The following ACTR5 variants were observed in gnomAD, a reference collection of about 807,000 sequenced individuals.
The protein encoded by ACTR5 is actin-related protein 5.
In ACTR5, 43 loss-of-function variants were observed where a neutral mutation model predicts 61.2. The observed-to-expected ratio is 0.70, with a 90% confidence interval of 0.55 to 0.91. The LOEUF (loss-of-function observed/expected upper bound fraction) is 0.91. ACTR5 is among the 40% of genes least tolerant of loss of function. The probability of loss-of-function intolerance (pLI) is 0.00; values close to 1 mark genes in which losing one functional copy is unlikely to be tolerated. For synonymous variants in ACTR5, 333 were observed against 310.5 expected, an observed-to-expected ratio of 1.07 and a Z score of -0.76; for missense variants, 798 against 782.2, an observed-to-expected ratio of 1.02 and a Z score of -0.24.
At chr20:38,760,946 C>T (rs569307800) in intron 5 of ACTR5, among the ~76,000 whole-genome samples, 32 of 151,468 alleles carry the variant, frequency 2.1e-4, no homozygotes, top group Non-Finnish European at 3.5e-4. Context: ...TTCAGACATT[C>T]GGAGCCTTCC....
At chr20:38,771,231 C>T (rs911721) in intron 8 of ACTR5, among the ~76,000 whole-genome samples, 34,777 of 152,136 alleles carry the variant, frequency 0.23, 4,130 homozygotes, top group Middle Eastern at 0.35. Context: ...CCCCAGGTCA[C>T]GGGCCAGCCT....
At chr20:38,765,861 A>G (rs536076483) in intron 6 of ACTR5, among the ~76,000 whole-genome samples, 24 of 152,222 alleles carry the variant, frequency 1.6e-4, no homozygotes, top group Non-Finnish European at 3.1e-4. Flanking sequence ...TGTCATTACA[A>G]TGCCAACCAG....
chr20:38,764,759 C>T (rs2084475176), intron 5 of ACTR5, among the ~76,000 whole-genome samples: 1 of 152,196 alleles, frequency 6.6e-6, no homozygotes, highest in Non-Finnish European at 1.5e-5. Flanking sequence ...TAGCCTCAAC[C>T]TCCCAGGCTC....
chr20:38,757,797 A>G (rs541157093), intron 5 of ACTR5, among the ~76,000 whole-genome samples: 16 of 150,456 alleles, frequency 1.1e-4, no homozygotes, highest in African/African-American at 3.7e-4. Flanking sequence ...TAGGCTTACT[A>G]GATACACCTT....
At chr20:38,754,337 T>TTGG (rs1568634702) in intron 3 of ACTR5, among the ~76,000 whole-genome samples, 1 of 152,130 alleles carries the variant, frequency 6.6e-6, no homozygotes, top group Non-Finnish European at 1.5e-5. Flanking sequence ...GTAGCTGCTT[T>TTGG]TAGTTGATTG....
intron 5 of ACTR5, among the ~76,000 whole-genome samples, chr20:38,759,585 C>T (rs1467313909): frequency 6.6e-6 from 1 of 151,784 alleles, no homozygotes; most frequent in Non-Finnish European, 1.5e-5. Flanking sequence ...TTTTTTTTGG[C>T]AGCTGAAGAA....
intron 1 of ACTR5, 27 bp downstream of exon 1, chr20:38,748,880 G>A (rs746026430): frequency 1.3e-6 from 2 of 1,586,672 alleles, no homozygotes; most frequent in Admixed American, 1.7e-5. Context: ...GCTGGGCTGG[G>A]CTGGGTTTGA....
At chr20:38,761,578 G>C (rs985834515) in intron 5 of ACTR5, 1 of 152,238 alleles carries the variant, frequency 6.6e-6, no homozygotes, top group Non-Finnish European at 1.5e-5. Context: ...TGATTGCCAG[G>C]GTTGATTCGG....
In ACTR5 at chr20:38,766,232, T is replaced by A. The variant is rs2084485646; in HGVS notation, c.1294-6T>A. On this transcript the variant is annotated splice_region_variant and splice_polypyrimidine_tract_variant and intron_variant, in intron 6 of 8. Transcript: ENST00000243903. ...AAAATATCTTTTAAACCTTGGGTTT[T>A]TAAAGCCCGTGTTTAACTTGGCAGC... 6.2e-7 allele frequency: 1 copy of A among 1,602,044 alleles called. No homozygotes were observed. The highest frequency in any genetic ancestry group is 8.5e-7 in the Non-Finnish European group (1 of 1,176,934).
intron 2 of ACTR5, 31 bp from the exon 3 acceptor site, chr20:38,752,100 T>G (rs759840902): frequency 6.3e-7 from 1 of 1,598,250 alleles, no homozygotes; most frequent in African/African-American, 1.3e-5. Context: ...CTCCAGAAAT[T>G]TCAGTGCTGT....
chr20:38,766,054 A>G (rs2084484473), intron 6 of ACTR5, among the ~76,000 whole-genome samples, 184 bp from the exon 7 acceptor site: 1 of 152,218 alleles, frequency 6.6e-6, no homozygotes, highest in South Asian at 2.1e-4. Flanking sequence ...GTACATGTTT[A>G]TAATACACAG....
chr20:38,762,306 G>T lies in ACTR5; in HGVS notation c.1177-3096G>T, dbSNP rs192372194. ...CCAGTGTGGCCACTGGTTTCCAAGA[G>T]GGAGCTTCCCAAGAGAGCAGCTAGA... On this transcript the variant is annotated intron_variant, in intron 5 of 8. Coordinates refer to ENST00000243903, the MANE Select transcript of ACTR5 (RefSeq NM_024855.4). 7.5e-4 allele frequency among the ~76,000 whole-genome samples: 115 copies of T among 152,344 alleles called. 1 individual carries two copies. The highest frequency in any genetic ancestry group is 1.4e-3 in the Non-Finnish European group (98 of 68,030).
chr20:38,753,882 T>C (rs6124009), intron 3 of ACTR5, among the ~76,000 whole-genome samples: 5 of 130,274 alleles, frequency 3.8e-5, no homozygotes, highest in East Asian at 2.1e-4. Flanking sequence ...GCTTTTTTTT[T>C]TTTTTTTTAA....
Position 38,767,468 on chromosome 20 carries a change from C to G in ACTR5, c.1438C>G (p.Pro480Ala). 6.2e-7 allele frequency: 1 copy of G among 1,613,420 alleles called. No individual in the cohort carries two copies. The highest frequency in any genetic ancestry group is 8.5e-7 in the Non-Finnish European group (1 of 1,179,780). Residue 480 changes from proline to alanine, a missense_variant, in exon 8 of 9, where the codon CCA (proline) becomes GCA (alanine). By Grantham distance (27) the Pro-to-Ala change is conservative. Transcript: ENST00000243903. The stretch of plus-strand genomic sequence containing the variant: ...TAGGAGTTGTTTCTTTCCTAGGTAC[C>G]CAAAGGACATTCAGGAAATGCTGGT... ...ETLQYILDRYPKDIQEMLVQN... is the reference protein window; with the variant it reads ...ETLQYILDRYAKDIQEMLVQN...
chr20:38,750,030 A>C lies in ACTR5; in HGVS notation c.396A>C (p.Ile132=). 1 of 1,614,110 alleles carries C rather than the reference A, an allele frequency of 6.2e-7. No individual in the cohort carries two copies. Among genetic ancestry groups the C allele is most frequent in the Non-Finnish European group, 8.5e-7 (1 of 1,179,960 alleles). The change falls in exon 2 of 9, where the codon ATA becomes ATC. Residue 132 remains isoleucine, a synonymous_variant. Transcript: ENST00000243903. Reference sequence around the variant, plus strand: ...AGTAGGGCTGTGTTGATCATCCCATAGTTTTGACAGAAGCTGTGTGCAACC... The same window carrying C: ...AGTAGGGCTGTGTTGATCATCCCATCGTTTTGACAGAAGCTGTGTGCAACC... ...VSSQGCVDHP[I]VLTEAVCNPL... is the part of the protein sequence containing the mutation.
At chr20:38,757,192 A>G (rs1434615655) in intron 5 of ACTR5, among the ~76,000 whole-genome samples, 4 of 152,160 alleles carry the variant, frequency 2.6e-5, no homozygotes, top group Non-Finnish European at 4.4e-5. Context: ...CTCCCAAAGC[A>G]CTGGGATGAC....
Position 38,748,749 on chromosome 20 carries a change from C to T in ACTR5, c.271C>T (p.Arg91Cys), listed in dbSNP as rs1461798050. The change falls in exon 1 of 9, where the codon CGC (arginine) becomes TGC (cysteine). Residue 91 changes from arginine to cysteine, a missense_variant. Arg to Cys is a radical substitution (Grantham distance 180). Transcript: ENST00000243903. ...GNALGSLEPL[R>C]WMLRSPFDRN... ...CGCTCTGGGCAGCCTGGAGCCACTG[C>T]GCTGGATGCTGCGCTCGCCCTTCGA... is the stretch of plus-strand genomic sequence containing the variant. The T allele has an allele frequency of 6.3e-7, 1 of 1,595,900 alleles. No individual in the cohort carries two copies. Among genetic ancestry groups the T allele is most frequent in the East Asian group, 2.3e-5 (1 of 43,974 alleles).
At chr20:38,767,669 A>G in intron 8 of ACTR5, 73 bp downstream of exon 8, 1 of 1,488,286 alleles carries the variant, frequency 6.7e-7, no homozygotes, top group Non-Finnish European at 9.1e-7. Context: ...AGTAATAATC[A>G]TGCAGAAATA....
intron 7 of ACTR5, among the ~76,000 whole-genome samples, chr20:38,766,716 T>C (rs1450821476): frequency 7.9e-5 from 12 of 152,206 alleles, no homozygotes; most frequent in Admixed American, 3.3e-4. Flanking sequence ...CTAAAAATAT[T>C]GCAGAGCTAA....
Sources: allele counts gnomAD v4.1 joint callset (sites outside exome capture counted in the v4.1 genomes callset), GRCh38; gene constraint gnomAD v4.1.1; transcripts MANE v1.5; gene names NCBI Gene and HGNC (gene_info 2026-07-23, HGNC 2026-07-21).